BPNT1: variants seen among roughly 807,000 people sequenced by gnomAD.
BPNT1 encodes the protein 3'(2'),5'-bisphosphate nucleotidase 1.
In BPNT1, 28 loss-of-function variants were observed where a neutral mutation model predicts 36.9. The observed-to-expected ratio is 0.76, with a 90% CI of 0.56 to 1.04. The LOEUF is 1.04. Among genes scored for constraint, BPNT1 ranks in the 50% least tolerant of loss-of-function variants. The probability of loss-of-function intolerance (pLI) is 0.00; values close to 1 mark genes in which losing one functional copy is unlikely to be tolerated. For missense variants in BPNT1, 313 were observed against 372.9 expected (o/e 0.84, Z 1.32); for synonymous variants, 119 against 130.9 (o/e 0.91, Z 0.62).
chr1:220,075,618 GA>G (rs988851173), intron 2 of BPNT1, among the ~76,000 whole-genome samples: 2 of 151,716 alleles, frequency 1.3e-5, no homozygotes, highest in South Asian at 4.2e-4. Flanking sequence ...CTGCGGTAGA[GA>G]AAAAAAAGAC....
At chr1:220,076,138 G>A (rs1268110043) in intron 2 of BPNT1, among the ~76,000 whole-genome samples, 1 of 152,150 alleles carries the variant, frequency 6.6e-6, no homozygotes, top group East Asian at 1.9e-4. Flanking sequence ...GGAGGCCGAG[G>A]CAGGTAGATC....
At chr1:220,072,246 C>T (rs1420152183) in intron 4 of BPNT1, among the ~76,000 whole-genome samples, 1 of 151,730 alleles carries the variant, frequency 6.6e-6, no homozygotes, top group Non-Finnish European at 1.5e-5. Flanking sequence ...GCCTGTAGTC[C>T]TAGCTACTTG....
chr1:220,074,061 G>A lies in BPNT1; in HGVS notation c.131C>T (p.Thr44Ile). ...TCGGTCAGCTTTGGTCTGCAGGTCT[G>A]TTGCACAGGTCTGTAATAAAGAATG... ...DLGIVEKTCATDLQTKADRLA... is the reference protein window; with the variant it reads ...DLGIVEKTCAIDLQTKADRLA... Residue 44 changes from threonine to isoleucine, a missense_variant, in exon 3 of 9, where the codon ACA becomes ATA. Transcript: ENST00000322067. 1 of 1,613,492 alleles carries A rather than the reference G, an allele frequency of 6.2e-7. No homozygotes were observed. The highest frequency in any genetic ancestry group is 2.2e-5 in the East Asian group (1 of 44,852).
chr1:220,071,339 T>C (rs1291936388), intron 4 of BPNT1, among the ~76,000 whole-genome samples: 1 of 152,200 alleles, frequency 6.6e-6, no homozygotes, highest in Non-Finnish European at 1.5e-5. Flanking sequence ...GGATGACATT[T>C]ATGTTCTTCT....
intron 2 of BPNT1, among the ~76,000 whole-genome samples, chr1:220,076,964 G>C (rs1009293480): frequency 1.3e-5 from 2 of 152,072 alleles, no homozygotes; most frequent in Admixed American, 1.3e-4. Context: ...GCATGAACTA[G>C]CCCGCTCAGC....
In BPNT1 at chr1:220,079,764, C is replaced by G; in HGVS notation, c.83G>C (p.Arg28Pro). 1.9e-6 allele frequency: 3 copies of G among 1,614,104 alleles called. No homozygotes were observed. Among genetic ancestry groups the G allele is most frequent in the Non-Finnish European group, 2.5e-6 (3 of 1,179,992 alleles). ...ACCCAGGTCTCCTTCAGCAATAACA[C>G]GTCTGACTATCATTCCTGCCTTTTG... ...IAQKAGMIVR[R>P]VIAEGDLGIV... The change falls in exon 2 of 9, where the codon CGT (arginine) becomes CCT (proline). Residue 28 changes from arginine (R) to proline (P), a missense_variant. Arg to Pro is a moderately radical substitution (Grantham distance 103). Transcript: ENST00000322067.
intron 2 of BPNT1, among the ~76,000 whole-genome samples, chr1:220,077,946 G>A (rs1194787073): frequency 6.6e-6 from 1 of 151,980 alleles, no homozygotes; most frequent in African/African-American, 2.4e-5. Flanking sequence ...GGAGTCTAAG[G>A]TGGGTGGATC....
chr1:220,064,927 C>T (rs374602579), intron 6 of BPNT1, among the ~76,000 whole-genome samples: 3 of 152,136 alleles, frequency 2.0e-5, no homozygotes, highest in East Asian at 1.9e-4. Context: ...CTTGCCTCAG[C>T]CTCCTGAGTA....
chr1:220,079,207 T>A (rs1384879495), intron 2 of BPNT1, among the ~76,000 whole-genome samples: 1 of 152,110 alleles, frequency 6.6e-6, no homozygotes, highest in Non-Finnish European at 1.5e-5. Flanking sequence ...TTCAGAAGAC[T>A]CAGACATATA....
intron 5 of BPNT1, 136 bp from the exon 6 acceptor site, chr1:220,067,529 A>T (rs1663648407): frequency 2.0e-6 from 1 of 495,300 alleles, no homozygotes; most frequent in African/African-American, 2.0e-5. Flanking sequence ...AATCCTATTT[A>T]TAGTGAAAGG....
chr1:220,086,286 T>A (rs1355467182), intron 1 of BPNT1, among the ~76,000 whole-genome samples: 1 of 152,202 alleles, frequency 6.6e-6, no homozygotes, highest in Non-Finnish European at 1.5e-5. Flanking sequence ...TTTTCTTTTT[T>A]TTGATATGTA....
At chr1:220,082,085 T>TATATAGAGAG (rs1171093697) in intron 1 of BPNT1, among the ~76,000 whole-genome samples, 18 of 103,276 alleles carry the variant, frequency 1.7e-4, no homozygotes, top group African/African-American at 6.5e-4. Context: ...TATATATATA[T>TATATAGAGAG]AGAGAGAGAG....
chr1:220,079,910 AT>A, intron 1 of BPNT1, 56 bp from the exon 2 acceptor site: 1 of 1,544,822 alleles, frequency 6.5e-7, no homozygotes, highest in Non-Finnish European at 8.8e-7. Flanking sequence ...TACTGGTTTT[AT>A]TTATTTAAAT....
rs1664937790 is a variant in BPNT1, at chr1:220,079,796, A to G, written c.51T>C (p.Ser17=). The change falls in exon 2 of 9, where the codon TCT becomes TCC. Residue 17 remains serine, a synonymous_variant. Coordinates refer to ENST00000322067, the MANE Select transcript of BPNT1 (RefSeq NM_006085.6). ...VLMRLVASAY[S]IAQKAGMIVR... Reference sequence around the variant, plus strand: ...CTATCATTCCTGCCTTTTGAGCAATAGAATATGCGGAGGCTACCAACCGCA... The same window carrying G: ...CTATCATTCCTGCCTTTTGAGCAATGGAATATGCGGAGGCTACCAACCGCA... 7 of 1,613,848 alleles carry G rather than the reference A, an allele frequency of 4.3e-6. 1 individual carries two copies. The South Asian group carries it at 7.7e-5, about 18-fold the overall frequency.
In BPNT1 at chr1:220,062,789, C is replaced by T; in HGVS notation, c.640G>A (p.Ala214Thr). Reference protein sequence around the residue: ...TDCVAAMNPDAVLRVGGAGNK... With the variant: ...TDCVAAMNPDTVLRVGGAGNK... ...CCTGCTCCTCCTACTCGCAGCACAG[C>T]ATCGGGGTTCATAGCAGCAACACAG... Residue 214 changes from alanine to threonine, a missense_variant, in exon 7 of 9, where the codon GCT becomes ACT. Ala to Thr is a moderately conservative substitution (Grantham distance 58). Transcript: ENST00000322067. 1.2e-6 allele frequency: 2 copies of T among 1,614,182 alleles called. No homozygotes were observed. Among genetic ancestry groups the T allele is most frequent in the South Asian group, 1.1e-5 (1 of 91,086 alleles).
At chr1:220,064,409 T>C (rs1214533334) in intron 6 of BPNT1, among the ~76,000 whole-genome samples, 1 of 152,158 alleles carries the variant, frequency 6.6e-6, no homozygotes, top group East Asian at 1.9e-4. Context: ...GCGCTTGGTA[T>C]CAACACCTGT....
chr1:220,088,478 CAAAAAAAAA>C (rs58383315), intron 1 of BPNT1, among the ~76,000 whole-genome samples: 30 of 65,548 alleles, frequency 4.6e-4, no homozygotes, highest in Non-Finnish European at 7.6e-4. Flanking sequence ...GACTCCGACT[CAAAAAAAAA>C]AAAAAAAAAA....
At chr1:220,066,403 A>G (rs1413325337) in intron 6 of BPNT1, among the ~76,000 whole-genome samples, 3 of 152,188 alleles carry the variant, frequency 2.0e-5, no homozygotes, top group Non-Finnish European at 2.9e-5. Flanking sequence ...CTCTTTTGGT[A>G]AATCCTAAGA....
chr1:220,058,029 T>G lies in BPNT1; in HGVS notation c.*815A>C. The G allele has an allele frequency of 1.8e-6, 1 of 568,320 alleles. No homozygotes were observed. Among genetic ancestry groups the G allele is most frequent in the Non-Finnish European group, 2.6e-6 (1 of 386,830 alleles). The allele number at this position is 568,320 out of a possible 1,614,324, so 35.2% of individuals were successfully genotyped here. A position where few individuals can be genotyped will look rare whatever the true frequency, so the allele number is the denominator to read the frequency against. On this transcript the variant is annotated 3_prime_UTR_variant, in exon 9 of 9. Coordinates refer to ENST00000322067, the MANE Select transcript of BPNT1 (RefSeq NM_006085.6). ...CTTCTCTACTAAAAATACAAAAAAT[T>G]AGCCAGGCGTGGTGGCGGTGCCTGC... is the stretch of plus-strand genomic sequence containing the variant.
Sources: allele counts gnomAD v4.1 joint callset (sites outside exome capture counted in the v4.1 genomes callset), GRCh38; gene constraint gnomAD v4.1.1; transcripts MANE v1.5; gene names NCBI Gene and HGNC (gene_info 2026-07-23, HGNC 2026-07-21).